ZMYM5: variants seen among roughly 807,000 people sequenced by gnomAD.
The protein encoded by ZMYM5 is zinc finger MYM-type protein 5.
Under a neutral mutation model 61.8 loss-of-function variants are expected in ZMYM5, and 41 were observed. That is an observed-to-expected ratio of 0.66 (90% confidence interval 0.52 to 0.86). The LOEUF (loss-of-function observed/expected upper bound fraction) is 0.86, where lower values mean the gene tolerates loss of function less well. Ranked by LOEUF, ZMYM5 falls within the 40% of genes least tolerant of loss-of-function variation. The pLI is 0.00. For synonymous variants in ZMYM5, 257 were observed against 276.4 expected, an observed-to-expected ratio of 0.93 and a Z score of 0.70; for missense variants, 706 against 786.7, an observed-to-expected ratio of 0.90 and a Z score of 1.23.
In ZMYM5 at chr13:19,837,719, G is replaced by C; in HGVS notation, c.975C>G (p.Asn325Lys). The C allele has an allele frequency of 6.3e-7, 1 of 1,579,322 alleles. No homozygotes were observed. The highest frequency in any genetic ancestry group is 1.4e-5 in the African/African-American group (1 of 72,508). Residue 325 changes from asparagine (N) to lysine (K), a missense_variant, in exon 6 of 8, where the codon AAC becomes AAG. Physicochemically the swap from Asn to Lys is moderately conservative, Grantham distance 94. Transcript: ENST00000337963. ...STSCLSPCEN[N>K]WNLKKGVFNK... is the part of the protein sequence containing the mutation. ...TAAAAACTCCTTTTTTAAGATTCCAGTTGTTTTCACAGGGAGACAAACAAG... is the reference window on the plus strand; with the variant it reads ...TAAAAACTCCTTTTTTAAGATTCCACTTGTTTTCACAGGGAGACAAACAAG...
At chr13:19,855,554 G>A (rs544233478) in intron 2 of ZMYM5, among the ~76,000 whole-genome samples, 4 of 151,742 alleles carry the variant, frequency 2.6e-5, no homozygotes, top group African/African-American at 9.7e-5. Context: ...GAGCCACCGC[G>A]CCCGGCCCAC....
chr13:19,845,011 T>A (rs1953026968), intron 4 of ZMYM5, among the ~76,000 whole-genome samples: 1 of 152,184 alleles, frequency 6.6e-6, no homozygotes, highest in Admixed American at 6.5e-5. Context: ...TATGTTGACA[T>A]CTTGAATGCA....
chr13:19,834,990 CTTTCT>C (rs1469738657), intron 7 of ZMYM5, among the ~76,000 whole-genome samples: 53 of 98,282 alleles, frequency 5.4e-4, no homozygotes, highest in African/African-American at 1.3e-3. Flanking sequence ...TGATCATTTT[CTTTCT>C]TTTTTTTTTT....
intron 4 of ZMYM5, among the ~76,000 whole-genome samples, chr13:19,842,409 C>T (rs1182272784): frequency 6.6e-6 from 1 of 152,148 alleles, no homozygotes; most frequent in Admixed American, 6.5e-5. Flanking sequence ...TAAAGTAACA[C>T]ATTCTGGAGG....
At chr13:19,827,806 C>A (rs1009350025) in intron 7 of ZMYM5, among the ~76,000 whole-genome samples, 16 of 150,334 alleles carry the variant, frequency 1.1e-4, no homozygotes, top group Non-Finnish European at 1.5e-4. Context: ...CTGAGGCGGG[C>A]GGATCACGAG....
chr13:19,837,369 T>G, intron 6 of ZMYM5: 1 of 1,342,972 alleles, frequency 7.4e-7, no homozygotes, highest in Non-Finnish European at 9.6e-7. Context: ...GACTACATTT[T>G]TATTTAATGT....
At chr13:19,862,568 G>A (rs1312046662) in intron 1 of ZMYM5, 102 bp from the exon 2 acceptor site, 1 of 152,098 alleles carries the variant, frequency 6.6e-6, no homozygotes, top group Non-Finnish European at 1.5e-5. Context: ...AGGAGTTCCT[G>A]GGCTCTGCTA....
intron 7 of ZMYM5, among the ~76,000 whole-genome samples, chr13:19,830,410 C>T (rs533536205): frequency 1.3e-5 from 2 of 152,184 alleles, no homozygotes; most frequent in African/African-American, 2.4e-5. Flanking sequence ...GGTCTTACTC[C>T]GTTGCTCAGG....
At chr13:19,857,875 T>C (rs1953568795) in intron 2 of ZMYM5, among the ~76,000 whole-genome samples, 1 of 151,368 alleles carries the variant, frequency 6.6e-6, no homozygotes, top group Non-Finnish European at 1.5e-5. Context: ...AAGTCCAACA[T>C]GGTGGCATAC....
chr13:19,838,672 T>A, intron 5 of ZMYM5, 28 bp downstream of exon 5: 1 of 1,607,806 alleles, frequency 6.2e-7, no homozygotes, highest in Non-Finnish European at 8.5e-7. Flanking sequence ...TTCAACTATG[T>A]GGAGAAATGT....
rs770815974 is a variant in ZMYM5, at chr13:19,825,017, A to T, written c.1470T>A (p.Pro490=). The T allele has an allele frequency of 7.3e-7, 1 of 1,367,644 alleles. No individual in the cohort carries two copies. Among genetic ancestry groups the T allele is most frequent in the South Asian group, 1.1e-5 (1 of 88,010 alleles). The allele number at this position is 1,367,644 out of a possible 1,614,324, so 84.7% of individuals were successfully genotyped here. The change falls in exon 8 of 8, where the codon CCT becomes CCA. Residue 490 remains proline, a synonymous_variant. Coordinates refer to ENST00000337963, the MANE Select transcript of ZMYM5 (RefSeq NM_001142684.2). ...TATCAGCTATGGTTGACGTGGAAGA[A>T]GGAGGTAAATTCACATTCTCTTGGA... The part of the protein sequence containing the change: ...LLIQENVNLP[P]SSTSTIADTF...
intron 4 of ZMYM5, among the ~76,000 whole-genome samples, chr13:19,848,851 A>C (rs1382462217): frequency 6.6e-6 from 1 of 152,020 alleles, no homozygotes; most frequent in Non-Finnish European, 1.5e-5. Flanking sequence ...CAGCCTCTTG[A>C]ATAGCTGGGA....
At chr13:19,831,781 C>CT (rs1227286614) in intron 7 of ZMYM5, among the ~76,000 whole-genome samples, 1 of 72,514 alleles carries the variant, frequency 1.4e-5, no homozygotes, top group African/African-American at 5.4e-5. Flanking sequence ...GAGAGAGACT[C>CT]TGTCTCAAAA....
chr13:19,839,309 T>C (rs1952783365), intron 4 of ZMYM5, among the ~76,000 whole-genome samples: 1 of 152,088 alleles, frequency 6.6e-6, no homozygotes, highest in Non-Finnish European at 1.5e-5. Context: ...TAATTGATGA[T>C]ACCTAACTCA....
At chr13:19,828,134 G>C (rs952189246) in intron 7 of ZMYM5, among the ~76,000 whole-genome samples, 1 of 151,152 alleles carries the variant, frequency 6.6e-6, no homozygotes, top group Non-Finnish European at 1.5e-5. Context: ...AAATGGACTT[G>C]TTCTGTTTCA....
At chr13:19,849,479 T>C (rs1015791541) in intron 4 of ZMYM5, among the ~76,000 whole-genome samples, 2 of 152,078 alleles carry the variant, frequency 1.3e-5, no homozygotes, top group Non-Finnish European at 2.9e-5. Context: ...ATCAGCAGGA[T>C]ACAAAACAAT....
intron 2 of ZMYM5, among the ~76,000 whole-genome samples, chr13:19,858,365 G>T (rs1184118975): frequency 6.6e-6 from 1 of 151,814 alleles, no homozygotes; most frequent in East Asian, 1.9e-4. Context: ...CAGGTGGATC[G>T]CTTGAGTCCA....
intron 2 of ZMYM5, among the ~76,000 whole-genome samples, chr13:19,857,966 T>C (rs1953571982): frequency 6.6e-6 from 1 of 151,776 alleles, no homozygotes; most frequent in Non-Finnish European, 1.5e-5. Context: ...TGAGCCATGA[T>C]CACACCACTG....
At chr13:19,853,257 G>C (rs565688354) in intron 2 of ZMYM5, among the ~76,000 whole-genome samples, 1 of 152,302 alleles carries the variant, frequency 6.6e-6, no homozygotes, top group East Asian at 1.9e-4. Flanking sequence ...TGAAAAATCT[G>C]GAAGTGAATA....
Sources: gnomAD v4.1 joint callset for allele counts (sites outside exome capture counted in the v4.1 genomes callset) on GRCh38, gnomAD v4.1.1 for gene constraint, MANE v1.5 for transcripts, NCBI Gene and HGNC (gene_info 2026-07-23, HGNC 2026-07-21) for gene names.